IARS2: variants seen among roughly 807,000 people sequenced by gnomAD.
The protein encoded by IARS2 is isoleucyl-tRNA synthetase 2, mitochondrial.
A neutral mutation model predicts 126.3 loss-of-function variants in IARS2; 56 were observed. The ratio of observed to expected loss-of-function variants is 0.44; its 90% CI spans 0.36 to 0.55. The LOEUF (loss-of-function observed/expected upper bound fraction) is 0.55. Ranked by LOEUF, IARS2 falls within the 20% of genes least tolerant of loss-of-function variation. IARS2 has a pLI of 0.00. For missense variants in IARS2, 1,127 were observed against 1,245.9 expected (o/e 0.90, Z 1.44); for synonymous variants, 407 against 441.1 (o/e 0.92, Z 0.97).
chr1:220,100,200 A>G (rs759611231), intron 2 of IARS2, among the ~76,000 whole-genome samples: 12 of 152,214 alleles, frequency 7.9e-5, no homozygotes, highest in East Asian at 5.8e-4. Flanking sequence ...GTTAACCACA[A>G]TATTCCATTC....
intron 19 of IARS2, among the ~76,000 whole-genome samples, chr1:220,140,947 G>A (rs1422297644): frequency 2.1e-5 from 3 of 145,780 alleles, no homozygotes; most frequent in Non-Finnish European, 4.5e-5. Flanking sequence ...TCGTGACACT[G>A]CACTTCAGCC....
At chr1:220,129,197 TA>T (rs1489061251) in intron 14 of IARS2, among the ~76,000 whole-genome samples, 1 of 152,168 alleles carries the variant, frequency 6.6e-6, no homozygotes, top group Non-Finnish European at 1.5e-5. Flanking sequence ...GTGATATTCT[TA>T]ACCAAATGAT....
intron 12 of IARS2, among the ~76,000 whole-genome samples, chr1:220,115,396 A>G (rs1656894244): frequency 2.0e-5 from 3 of 150,270 alleles, no homozygotes; most frequent in Admixed American, 2.0e-4. Flanking sequence ...CTCCATCTCT[A>G]CCGAAAATAC....
At chr1:220,106,966 C>A in intron 9 of IARS2, 95 bp from the exon 10 acceptor site, 1 of 865,338 alleles carries the variant, frequency 1.2e-6, no homozygotes, top group Non-Finnish European at 1.9e-6. Flanking sequence ...AAAGACCAGG[C>A]TATACTGAGA....
chr1:220,101,828 G>A lies in IARS2; in HGVS notation c.551-301G>A, dbSNP rs142081039. Reference sequence around the variant, plus strand: ...ATCCTGGCTGACACAGTGAAACCCCGTCTCTACTAAAACTACAAAAAAATT... The same window carrying A: ...ATCCTGGCTGACACAGTGAAACCCCATCTCTACTAAAACTACAAAAAAATT... On this transcript the variant is annotated intron_variant, in intron 3 of 22. Transcript: ENST00000366922. Among the ~76,000 whole-genome samples, 8,184 of 152,078 alleles carry A rather than the reference G, an allele frequency of 0.054. 312 individuals carry two copies. The highest frequency in any genetic ancestry group is 0.099 in the Middle Eastern group (29 of 294).
At chr1:220,123,484 T>A (rs1331273800) in intron 12 of IARS2, among the ~76,000 whole-genome samples, 1 of 152,080 alleles carries the variant, frequency 6.6e-6, no homozygotes, top group East Asian at 1.9e-4. Flanking sequence ...TTATTTATTA[T>A]TTTTTTTGAG....
At position 220,147,682 on chromosome 1, in the gene IARS2, G is replaced by C; in HGVS notation, c.*47G>C. On this transcript the variant is annotated 3_prime_UTR_variant, in exon 23 of 23. Coordinates refer to ENST00000366922, the MANE Select transcript of IARS2 (RefSeq NM_018060.4). ...AGAACCCTCCTGACAGTACTGGCTA[G>C]AAGTTTGGATGGATTATTTACAATA... is the stretch of plus-strand genomic sequence containing the variant. The C allele has an allele frequency of 1.9e-6, 3 of 1,588,292 alleles. No homozygotes were observed. The South Asian group carries it at 3.4e-5, about 18-fold the overall frequency.
At chr1:220,106,195 C>CCTG in intron 9 of IARS2, 135 bp downstream of exon 9, 1 of 639,094 alleles carries the variant, frequency 1.6e-6, no homozygotes, top group South Asian at 3.3e-5. Flanking sequence ...TTGTGTAGTA[C>CCTG]TCTAAAGTTT....
At chr1:220,145,762 G>A in intron 22 of IARS2, 109 bp downstream of exon 22, 1 of 832,276 alleles carries the variant, frequency 1.2e-6, no homozygotes, top group African/African-American at 1.8e-5. Context: ...TATATACTTG[G>A]AATACATCTT....
intron 16 of IARS2, 186 bp from the exon 17 acceptor site, chr1:220,137,732 T>C: frequency 3.4e-6 from 2 of 590,324 alleles, no homozygotes; most frequent in East Asian, 2.9e-5. Flanking sequence ...GCTCTTTCTT[T>C]TTCCAGTTTT....
chr1:220,141,749 G>C, intron 19 of IARS2, 54 bp from the exon 20 acceptor site: 1 of 1,579,170 alleles, frequency 6.3e-7, no homozygotes, highest in Non-Finnish European at 8.6e-7. Flanking sequence ...TCCCATCTAG[G>C]TGACCATAAT....
At position 220,104,373 on chromosome 1, in the gene IARS2, TTTG is replaced by T. The variant is rs373341335; in HGVS notation, c.1066+823_1066+825del. ...GTCTAGGGAAGTTTAAAATTAGCTT[TTTG>T]TTGTTGTTGTTCTTCATTTTGTTTT... On this transcript the variant is annotated intron_variant, in intron 8 of 22. Transcript: ENST00000366922. Among the ~76,000 whole-genome samples, 81 of 152,242 alleles carry T rather than the reference TTTG, an allele frequency of 5.3e-4. 1 individual carries two copies. The highest frequency in any genetic ancestry group is 1.8e-3 in the African/African-American group (75 of 41,556).
chr1:220,148,012 T>C lies in IARS2; in HGVS notation c.*377T>C, dbSNP rs1250253735. 2.6e-6 allele frequency: 1 copy of C among 381,030 alleles called. No individual in the cohort carries two copies. The highest frequency in any genetic ancestry group is 2.1e-5 in the African/African-American group (1 of 48,304). The allele number at this position is 381,030 out of a possible 1,614,324, so 23.6% of individuals were successfully genotyped here. ...TTGACTCTGTATTTAAATTCTATGATACTGAAAATAAAGGCATTCTGGAAA... is the reference window on the plus strand; with the variant it reads ...TTGACTCTGTATTTAAATTCTATGACACTGAAAATAAAGGCATTCTGGAAA... On this transcript the variant is annotated 3_prime_UTR_variant, in exon 23 of 23. Transcript: ENST00000366922.
At chr1:220,106,153 C>T (rs943594178) in intron 9 of IARS2, 93 bp downstream of exon 9, 2 of 1,076,076 alleles carry the variant, frequency 1.9e-6, no homozygotes, top group East Asian at 2.6e-5. Flanking sequence ...AAAATGATGA[C>T]TTTTGTCATC....
At chr1:220,108,678 C>T (rs1187029950) in intron 10 of IARS2, among the ~76,000 whole-genome samples, 1 of 151,892 alleles carries the variant, frequency 6.6e-6, no homozygotes, top group Non-Finnish European at 1.5e-5. Flanking sequence ...AGCCACCGCA[C>T]CCGGCCTATT....
intron 1 of IARS2, among the ~76,000 whole-genome samples, chr1:220,095,674 A>C (rs1424148795): frequency 2.0e-5 from 3 of 152,208 alleles, no homozygotes; most frequent in African/African-American, 7.2e-5. Context: ...GAAGTGACTT[A>C]GACTGCCATG....
In IARS2 at chr1:220,110,913, C is replaced by G. The variant is rs1309700440; in HGVS notation, c.1455C>G (p.Ile485Met). 27 of 1,613,094 alleles carry G rather than the reference C, an allele frequency of 1.7e-5. No individual in the cohort carries two copies. The highest frequency in any genetic ancestry group is 2.2e-5 in the Non-Finnish European group (26 of 1,179,852). Residue 485 changes from isoleucine (I) to methionine (M), a missense_variant, in exon 11 of 23, where the codon ATC (isoleucine) becomes ATG (methionine). Physicochemically the swap from Ile to Met is conservative, Grantham distance 10. Coordinates refer to ENST00000366922, the MANE Select transcript of IARS2 (RefSeq NM_018060.4). ...CCAGCAAGCAGTGGTTTATAAACAT[C>G]ACGGATATTAAGACTGCAGCCAAGG... ...IRASKQWFIN[I>M]TDIKTAAKEL...
At chr1:220,144,124 C>T (rs747436520) in intron 21 of IARS2, 51 of 834,872 alleles carry the variant, frequency 6.1e-5, no homozygotes, top group Non-Finnish European at 9.9e-5. Flanking sequence ...AAATCTGGGG[C>T]TGATGTCTCC....
At chr1:220,125,105 A>G in intron 12 of IARS2, 132 bp from the exon 13 acceptor site, 1 of 506,998 alleles carries the variant, frequency 2.0e-6, no homozygotes, top group Non-Finnish European at 3.5e-6. Flanking sequence ...TGAATTTAAA[A>G]TGATAGCAGC....
Sources: gnomAD v4.1 joint callset for allele counts (sites outside exome capture counted in the v4.1 genomes callset) on GRCh38, gnomAD v4.1.1 for gene constraint, MANE v1.5 for transcripts, NCBI Gene and HGNC (gene_info 2026-07-23, HGNC 2026-07-21) for gene names.